KDM4A: variants seen among roughly 807,000 people sequenced by gnomAD.
KDM4A encodes lysine-specific demethylase 4A.
Under a neutral mutation model 127.1 loss-of-function variants are expected in KDM4A, and 23 were observed. The ratio of observed to expected loss-of-function variants is 0.18; its 90% CI spans 0.13 to 0.26. KDM4A has a LOEUF of 0.26. Among genes scored for constraint, KDM4A ranks in the 10% least tolerant of loss-of-function variants. The pLI is 1.00. For synonymous variants in KDM4A, 443 were observed against 466.5 expected, an observed-to-expected ratio of 0.95 and a Z score of 0.65; for missense variants, 890 against 1,329.1, an observed-to-expected ratio of 0.67 and a Z score of 5.14.
At chr1:43,698,987 C>T (rs1030726724) in intron 19 of KDM4A, among the ~76,000 whole-genome samples, 14 of 152,028 alleles carry the variant, frequency 9.2e-5, no homozygotes, top group Non-Finnish European at 1.6e-4. Flanking sequence ...CGGGCTTTTG[C>T]CATGTTGCCC....
At chr1:43,698,140 A>C in intron 19 of KDM4A, 127 bp downstream of exon 19, 2 of 837,822 alleles carry the variant, frequency 2.4e-6, no homozygotes, top group Admixed American at 2.7e-5. Context: ...CATGTCCTCA[A>C]ACAGAAAGAA....
At chr1:43,684,481 C>T (rs534111427) in intron 12 of KDM4A, among the ~76,000 whole-genome samples, 69 of 152,114 alleles carry the variant, frequency 4.5e-4, no homozygotes, top group Admixed American at 9.8e-4. Flanking sequence ...CCAGCCTGGG[C>T]GACAGAGCGA....
chr1:43,682,452 T>A (rs1660880070), intron 11 of KDM4A, among the ~76,000 whole-genome samples: 1 of 152,224 alleles, frequency 6.6e-6, no homozygotes, highest in Non-Finnish European at 1.5e-5. Flanking sequence ...TAAGTCTTCA[T>A]GGACATCAGT....
At chr1:43,699,125 CTCACTCTG>C (rs1288762981) in intron 19 of KDM4A, among the ~76,000 whole-genome samples, 4 of 142,590 alleles carry the variant, frequency 2.8e-5, no homozygotes, top group African/African-American at 2.6e-5. Context: ...GAGACCAGGT[CTCACTCTG>C]TCACTTAGGC....
intron 11 of KDM4A, among the ~76,000 whole-genome samples, chr1:43,680,198 A>T (rs1335371985): frequency 1.3e-5 from 2 of 152,222 alleles, no homozygotes; most frequent in Non-Finnish European, 2.9e-5. Flanking sequence ...TACTTTGGTC[A>T]GAGGCAGCAT....
At position 43,693,132 on chromosome 1, in the gene KDM4A, T is replaced by C. The variant is rs1044697925; in HGVS notation, c.2375+821T>C. 6.6e-6 allele frequency among the ~76,000 whole-genome samples: 1 copy of C among 152,174 alleles called. No individual in the cohort carries two copies. Among genetic ancestry groups the C allele is most frequent in the Non-Finnish European group, 1.5e-5 (1 of 68,034 alleles). On this transcript the variant is annotated intron_variant, in intron 16 of 21. Transcript: ENST00000372396. The surrounding 1 kb of genome is among the most constrained non-coding windows in gnomAD (Gnocchi z 4.2). ...GCTGCCATTATTTGAGGTCACTGGG[T>C]TCCTCACAGTCACAGGATAGTGCTG...
At chr1:43,674,745 C>T (rs1182901401) in intron 11 of KDM4A, among the ~76,000 whole-genome samples, 3 of 151,996 alleles carry the variant, frequency 2.0e-5, no homozygotes, top group Non-Finnish European at 4.4e-5. Flanking sequence ...GTCTGTAACT[C>T]CTGAGTGCCC....
At chr1:43,686,333 G>C (rs1312104939) in intron 12 of KDM4A, among the ~76,000 whole-genome samples, 1 of 100,368 alleles carries the variant, frequency 1.0e-5, no homozygotes, top group Non-Finnish European at 2.1e-5. Context: ...ACCACGCCCA[G>C]CCTTTTTTTT....
At chr1:43,668,078 G>A in intron 9 of KDM4A, 59 bp downstream of exon 9, 6 of 1,588,926 alleles carry the variant, frequency 3.8e-6, no homozygotes, top group African/African-American at 1.4e-5. Context: ...GGTAGGTCCT[G>A]TAATCTGTGG....
chr1:43,654,702 AGT>A (rs58710892), intron 2 of KDM4A, among the ~76,000 whole-genome samples: 27,230 of 131,484 alleles, frequency 0.21, 2,979 homozygotes, highest in South Asian at 0.38. Flanking sequence ...GATGCTTGTG[AGT>A]GTGTGTGTGT....
chr1:43,660,444 T>C, intron 4 of KDM4A, 32 bp downstream of exon 4: 1 of 1,558,518 alleles, frequency 6.4e-7, no homozygotes, highest in Non-Finnish European at 8.7e-7. Flanking sequence ...CTGTGCAGTG[T>C]TTTTGTAATT....
chr1:43,686,185 CACTT>C (rs1287683952), intron 12 of KDM4A, among the ~76,000 whole-genome samples: 6 of 110,770 alleles, frequency 5.4e-5, no homozygotes, highest in Admixed American at 4.7e-4. Flanking sequence ...GAAGGAGTCT[CACTT>C]ACTCTGTTGC....
intron 2 of KDM4A, among the ~76,000 whole-genome samples, chr1:43,655,142 G>C (rs1660210431): frequency 6.6e-6 from 1 of 152,144 alleles, no homozygotes; most frequent in Non-Finnish European, 1.5e-5. Context: ...GAGCCACTGT[G>C]CCCGGCCTCA....
chr1:43,654,808 T>A (rs930624253), intron 2 of KDM4A, among the ~76,000 whole-genome samples: 5 of 151,892 alleles, frequency 3.3e-5, no homozygotes, highest in Admixed American at 2.0e-4. Context: ...CTGTATAGTA[T>A]TCCATAAAGC....
intron 12 of KDM4A, among the ~76,000 whole-genome samples, chr1:43,684,784 C>A (rs550432030): frequency 1.3e-5 from 2 of 152,146 alleles, no homozygotes; most frequent in African/African-American, 2.4e-5. Flanking sequence ...TAGAAAAGAT[C>A]GCTCCTAGTG....
At position 43,671,554 on chromosome 1, in the gene KDM4A, A is replaced by G. The variant is rs1284956010; in HGVS notation, c.1413A>G (p.Lys471=). The G allele has an allele frequency of 3.1e-6, 5 of 1,597,092 alleles. No individual in the cohort carries two copies. The highest frequency in any genetic ancestry group is 4.3e-6 in the Non-Finnish European group (5 of 1,173,332). The change falls in exon 11 of 22, where the codon AAA becomes AAG. Residue 471 remains lysine, a synonymous_variant. Transcript: ENST00000372396. ...AATTTGAAGAGCTTAAAAATGTCAA[A>G]CTAGAAGAGGAGGATGAGGAGGAAG... is the stretch of plus-strand genomic sequence containing the variant. ...EVKFEELKNV[K]LEEEDEEEEQ...
chr1:43,663,193 T>G (rs1660423951), intron 5 of KDM4A, 106 bp downstream of exon 5: 1 of 975,678 alleles, frequency 1.0e-6, no homozygotes, highest in Non-Finnish European at 1.5e-6. Flanking sequence ...CAGACCCTGG[T>G]TCAGGCTTGG....
chr1:43,664,018 TGGTCAGGA>T (rs1660444751), intron 5 of KDM4A, among the ~76,000 whole-genome samples: 1 of 152,082 alleles, frequency 6.6e-6, no homozygotes, highest in African/African-American at 2.4e-5. Flanking sequence ...GATAGGAGAC[TGGTCAGGA>T]GGTAGAAAGT....
At chr1:43,703,395 T>TG in intron 19 of KDM4A, 1 of 139,568 alleles carries the variant, frequency 7.2e-6, no homozygotes. Flanking sequence ...TATAGCTGGA[T>TG]TTTTTTTTTT....
Sources: allele counts gnomAD v4.1 joint callset (sites outside exome capture counted in the v4.1 genomes callset), GRCh38; gene constraint gnomAD v4.1.1; non-coding constraint Gnocchi (gnomAD v3.1); transcripts MANE v1.5; gene names NCBI Gene and HGNC (gene_info 2026-07-23, HGNC 2026-07-21).